Variants in TXNRD1 observed in about 807,000 individuals in gnomAD.
TXNRD1 encodes the protein thioredoxin reductase 1, cytoplasmic.
TXNRD1 carries 57 observed loss-of-function variants against 80.3 expected under a neutral mutation model. The ratio of observed to expected loss-of-function variants is 0.71; its 90% CI spans 0.57 to 0.89. The LOEUF (loss-of-function observed/expected upper bound fraction) is 0.89, where lower values mean the gene tolerates loss of function less well. Among genes scored for constraint, TXNRD1 ranks in the 40% least tolerant of loss-of-function variants. The pLI, the probability that TXNRD1 is intolerant of heterozygous loss-of-function variation, is 0.00. For missense variants in TXNRD1, 730 were observed against 803.0 expected (o/e 0.91, Z 1.10); for synonymous variants, 291 against 285.2 (o/e 1.02, Z -0.20).
At chr12:104,265,408 G>C in intron 3 of TXNRD1, 1 of 1,605,552 alleles carries the variant, frequency 6.2e-7, no homozygotes. Context: ...GCGAATCTTT[G>C]CGCCTAATCA....
At chr12:104,344,357 T>C (rs77605257) in intron 16 of TXNRD1, among the ~76,000 whole-genome samples, 1 of 127,670 alleles carries the variant, frequency 7.8e-6, no homozygotes, top group South Asian at 2.5e-4. Context: ...GCTCCAGTGA[T>C]TTTTTTTTTT....
chr12:104,273,307 G>A (rs2033692512), intron 3 of TXNRD1, among the ~76,000 whole-genome samples: 1 of 152,216 alleles, frequency 6.6e-6, no homozygotes, highest in East Asian at 1.9e-4. Context: ...TAACAAGAAT[G>A]CTCGGGCAGG....
chr12:104,298,727 TAAAAATA>T (rs1017922401), intron 4 of TXNRD1, among the ~76,000 whole-genome samples: 2 of 150,876 alleles, frequency 1.3e-5, no homozygotes, highest in Non-Finnish European at 3.0e-5. Context: ...CTATCTAAAA[TAAAAATA>T]AAAAATAAAA....
chr12:104,291,983 C>T (rs2034233466), intron 4 of TXNRD1, among the ~76,000 whole-genome samples: 1 of 152,260 alleles, frequency 6.6e-6, no homozygotes, highest in Middle Eastern at 3.4e-3. Flanking sequence ...GCTTATAGTC[C>T]TAAAGGCCAC....
intron 1 of TXNRD1, among the ~76,000 whole-genome samples, chr12:104,219,427 T>C (rs1230958033): frequency 2.0e-5 from 3 of 152,188 alleles, no homozygotes; most frequent in Admixed American, 6.6e-5. Flanking sequence ...ATCTATTATT[T>C]ATCAGGCACT....
chr12:104,306,689 C>T (rs1278629842), intron 4 of TXNRD1, among the ~76,000 whole-genome samples: 1 of 152,176 alleles, frequency 6.6e-6, no homozygotes, highest in Non-Finnish European at 1.5e-5. Flanking sequence ...AAATTATTTT[C>T]TAAATTAGTT....
chr12:104,328,238 A>G lies in TXNRD1; in HGVS notation c.1542+567A>G, dbSNP rs35572731. On this transcript the variant is annotated intron_variant, in intron 13 of 16. Coordinates refer to ENST00000525566, the MANE Select transcript of TXNRD1 (RefSeq NM_001093771.3). Reference sequence around the variant, plus strand: ...CATTATGAATAAAAAGAGCTTGATTAATCAAGTTTTCAGCACTGTTGTTGA... The same window carrying G: ...CATTATGAATAAAAAGAGCTTGATTGATCAAGTTTTCAGCACTGTTGTTGA... Among the ~76,000 whole-genome samples the G allele has an allele frequency of 6.4e-3, 958 of 150,402 alleles. 9 individuals are homozygous for G. Among genetic ancestry groups the G allele is most frequent in the African/African-American group, 0.023 (907 of 40,100 alleles).
intron 6 of TXNRD1, among the ~76,000 whole-genome samples, chr12:104,315,506 G>A (rs186882822): frequency 9.9e-5 from 15 of 152,272 alleles, no homozygotes; most frequent in African/African-American, 3.4e-4. Context: ...TTTATCAGCA[G>A]TCAGTTAATT....
chr12:104,249,397 C>T (rs561813667), intron 1 of TXNRD1, among the ~76,000 whole-genome samples: 4 of 152,206 alleles, frequency 2.6e-5, no homozygotes, highest in South Asian at 2.1e-4. Flanking sequence ...CAGATCATAG[C>T]GCTTATATCT....
At chr12:104,346,608 A>G (rs2036497723) in intron 16 of TXNRD1, among the ~76,000 whole-genome samples, 1 of 152,118 alleles carries the variant, frequency 6.6e-6, no homozygotes, top group Non-Finnish European at 1.5e-5. Flanking sequence ...CCTTTCTAAC[A>G]CAGTTATTTT....
chr12:104,330,138 A>T (rs2035899974), intron 13 of TXNRD1, among the ~76,000 whole-genome samples: 1 of 151,914 alleles, frequency 6.6e-6, no homozygotes, highest in African/African-American at 2.4e-5. Flanking sequence ...GAGAAAATGG[A>T]TTATATTTAT....
chr12:104,284,746 A>G (rs2033938554), intron 3 of TXNRD1, among the ~76,000 whole-genome samples: 1 of 152,236 alleles, frequency 6.6e-6, no homozygotes, highest in Admixed American at 6.5e-5. Flanking sequence ...GTGAAAATCC[A>G]GGAAGACTCC....
chr12:104,300,023 C>G (rs57406439), intron 4 of TXNRD1, among the ~76,000 whole-genome samples: 1 of 152,108 alleles, frequency 6.6e-6, no homozygotes, highest in East Asian at 1.9e-4. Context: ...TCCAAAAAGT[C>G]TCTTAAAAAT....
chr12:104,234,801 T>A (rs1045335709), intron 1 of TXNRD1, among the ~76,000 whole-genome samples: 1 of 151,864 alleles, frequency 6.6e-6, no homozygotes, highest in African/African-American at 2.4e-5. Flanking sequence ...TCTCCTATAG[T>A]AGGCCAGAAG....
chr12:104,299,233 G>A (rs1003578313), intron 4 of TXNRD1, among the ~76,000 whole-genome samples: 4 of 151,930 alleles, frequency 2.6e-5, no homozygotes, highest in African/African-American at 4.8e-5. Context: ...TAGTATTCCC[G>A]TCTTATAAAT....
intron 4 of TXNRD1, among the ~76,000 whole-genome samples, chr12:104,308,129 G>A (rs957725786): frequency 2.0e-5 from 3 of 152,012 alleles, no homozygotes; most frequent in Admixed American, 6.6e-5. Flanking sequence ...TCGAGTAGCT[G>A]GGACTACAGG....
intron 1 of TXNRD1, among the ~76,000 whole-genome samples, chr12:104,235,239 C>T (rs1029436899): frequency 7.9e-5 from 12 of 152,086 alleles, no homozygotes; most frequent in South Asian, 4.1e-4. Flanking sequence ...GGGGTTGGAC[C>T]GCACAATCTA....
intron 1 of TXNRD1, among the ~76,000 whole-genome samples, chr12:104,225,935 C>T (rs1356251669): frequency 6.6e-6 from 1 of 152,142 alleles, no homozygotes; most frequent in Non-Finnish European, 1.5e-5. Context: ...CACAGTGTCT[C>T]ACGCCTGTAA....
intron 3 of TXNRD1, chr12:104,286,735 G>A (rs777685672): frequency 2.3e-5 from 23 of 1,016,738 alleles, no homozygotes; most frequent in Middle Eastern, 5.0e-4. Context: ...CTGCCTTAGG[G>A]CATAGTCTAA....
Sources: allele counts gnomAD v4.1 joint callset (sites outside exome capture counted in the v4.1 genomes callset), GRCh38; gene constraint gnomAD v4.1.1; transcripts MANE v1.5; gene names NCBI Gene and HGNC (gene_info 2026-07-23, HGNC 2026-07-21).